LHFPL3: variants seen among roughly 807,000 people sequenced by gnomAD.
The protein encoded by LHFPL3 is LHFPL tetraspan subfamily member 3 protein.
Under a neutral mutation model 19.3 loss-of-function variants are expected in LHFPL3, and 5 were observed. The observed-to-expected ratio is 0.26, with a 90% CI of 0.14 to 0.54. The LOEUF is 0.54. Among genes scored for constraint, LHFPL3 ranks in the 20% least tolerant of loss-of-function variants. LHFPL3 has a pLI of 0.94. For missense variants in LHFPL3, 249 were observed against 307.4 expected, an observed-to-expected ratio of 0.81 and a Z score of 1.42; for synonymous variants, 133 against 126.2, an observed-to-expected ratio of 1.05 and a Z score of -0.36.
intron 1 of LHFPL3, among the ~76,000 whole-genome samples, chr7:104,731,177 G>C (rs376230663): frequency 1.1e-4 from 17 of 152,222 alleles, no homozygotes; most frequent in Middle Eastern, 3.4e-3. Context: ...GTCAGGTAGC[G>C]TGATGCCTCC....
chr7:104,430,456 T>TA (rs1562895386), intron 1 of LHFPL3, among the ~76,000 whole-genome samples: 4 of 11,190 alleles, frequency 3.6e-4, no homozygotes, highest in Non-Finnish European at 6.0e-4. Flanking sequence ...ATATATATAT[T>TA]TTTTTTTTTT....
chr7:104,567,089 A>G (rs1158876669), intron 1 of LHFPL3, among the ~76,000 whole-genome samples: 1 of 152,208 alleles, frequency 6.6e-6, no homozygotes, highest in African/African-American at 2.4e-5. Flanking sequence ...TACAAAATAG[A>G]GTCAGCTTTA....
At chr7:104,887,136 C>T (rs1792164855) in intron 2 of LHFPL3, among the ~76,000 whole-genome samples, 1 of 152,364 alleles carries the variant, frequency 6.6e-6, no homozygotes, top group East Asian at 1.9e-4. Flanking sequence ...CAAAGATGGG[C>T]ACTGACTTCC....
chr7:104,902,186 C>A (rs1792498904), intron 2 of LHFPL3, among the ~76,000 whole-genome samples: 1 of 151,898 alleles, frequency 6.6e-6, no homozygotes, highest in Non-Finnish European at 1.5e-5. Flanking sequence ...TTGAAACCAG[C>A]CTGGGAAACA....
intron 1 of LHFPL3, among the ~76,000 whole-genome samples, chr7:104,448,403 T>A (rs1792371479): frequency 6.6e-6 from 1 of 152,212 alleles, no homozygotes; most frequent in Non-Finnish European, 1.5e-5. Context: ...GACCCTATAA[T>A]TACCCAGTTT....
chr7:104,627,899 A>G (rs546091167), intron 1 of LHFPL3, among the ~76,000 whole-genome samples: 1 of 152,354 alleles, frequency 6.6e-6, no homozygotes, highest in South Asian at 2.1e-4. Context: ...TTGTAGGTAG[A>G]AAACTATTGA....
chr7:104,905,824 T>A (rs749067431), intron 2 of LHFPL3, among the ~76,000 whole-genome samples: 35 of 152,194 alleles, frequency 2.3e-4, no homozygotes, highest in Non-Finnish European at 4.3e-4. Flanking sequence ...TTCAAATAAA[T>A]AAAACTTGGA....
intron 1 of LHFPL3, among the ~76,000 whole-genome samples, chr7:104,655,253 T>A (rs1792101495): frequency 6.6e-6 from 1 of 152,198 alleles, no homozygotes; most frequent in South Asian, 2.1e-4. Context: ...GGGTTCTACA[T>A]ATTGTCTCCT....
In LHFPL3 at chr7:104,824,680, T is replaced by C. The variant is rs1384675147; in HGVS notation, c.683-81507T>C. ...TTATATATTTATATATTTGGCATTA[T>C]ATATAATATATATTATATATATTAT... On this transcript the variant is annotated intron_variant, in intron 2 of 2. Coordinates refer to ENST00000424859, the MANE Select transcript of LHFPL3 (RefSeq NM_199000.3). Among the ~76,000 whole-genome samples the C allele has an allele frequency of 5.0e-4, 48 of 96,614 alleles. No homozygotes were observed. In the South Asian group the frequency reaches 0.011, roughly 23 times the overall value. The allele number at this position is 96,614 out of a possible 152,430, so 63.4% of individuals were successfully genotyped here. A position where few individuals can be genotyped will look rare whatever the true frequency, so the allele number is the denominator to read the frequency against.
intron 1 of LHFPL3, among the ~76,000 whole-genome samples, chr7:104,730,904 T>C (rs1279757176): frequency 6.6e-6 from 1 of 152,220 alleles, no homozygotes; most frequent in Non-Finnish European, 1.5e-5. Flanking sequence ...CTTTAATCCA[T>C]CTTGAATTAA....
intron 1 of LHFPL3, among the ~76,000 whole-genome samples, chr7:104,418,481 A>G (rs918176416): frequency 1.3e-5 from 2 of 152,150 alleles, no homozygotes; most frequent in African/African-American, 4.8e-5. Flanking sequence ...GCAGCAAGCT[A>G]TGATTGCACC....
intron 1 of LHFPL3, among the ~76,000 whole-genome samples, chr7:104,526,662 T>C (rs1327349576): frequency 1.3e-5 from 2 of 152,236 alleles, no homozygotes; most frequent in African/African-American, 2.4e-5. Flanking sequence ...CCCAGACTTT[T>C]GTTGATGTTG....
intron 1 of LHFPL3, among the ~76,000 whole-genome samples, chr7:104,685,805 T>C (rs923914065): frequency 6.6e-6 from 1 of 152,204 alleles, no homozygotes. Flanking sequence ...AGTGAAGTTG[T>C]AGGTGTTCTC....
At chr7:104,667,519 T>G (rs1469819018) in intron 1 of LHFPL3, among the ~76,000 whole-genome samples, 4 of 152,160 alleles carry the variant, frequency 2.6e-5, no homozygotes, top group Non-Finnish European at 4.4e-5. Flanking sequence ...GCAGAATCAA[T>G]GTTGTCTGGG....
intron 1 of LHFPL3, among the ~76,000 whole-genome samples, chr7:104,502,615 G>A (rs1793620974): frequency 1.3e-5 from 2 of 152,078 alleles, no homozygotes; most frequent in African/African-American, 4.8e-5. Context: ...AGGATGCTGT[G>A]TTCTACCTGC....
chr7:104,811,105 CT>C (rs1261110290), intron 2 of LHFPL3, among the ~76,000 whole-genome samples: 1 of 148,858 alleles, frequency 6.7e-6, no homozygotes, highest in African/African-American at 2.6e-5. Context: ...AATGAGATCT[CT>C]TTCTTTCTCT....
intron 1 of LHFPL3, among the ~76,000 whole-genome samples, chr7:104,713,687 T>C (rs755890614): frequency 6.6e-6 from 1 of 152,168 alleles, no homozygotes; most frequent in South Asian, 2.1e-4. Context: ...TTACCAGTAA[T>C]TTACATGAGC....
intron 1 of LHFPL3, among the ~76,000 whole-genome samples, chr7:104,587,942 CTT>C (rs1453658837): frequency 1.3e-5 from 2 of 152,210 alleles, no homozygotes; most frequent in Non-Finnish European, 2.9e-5. Context: ...CTGTTCATAT[CTT>C]TTGCCCACTT....
At chr7:104,792,433 C>T (rs747475787) in intron 2 of LHFPL3, among the ~76,000 whole-genome samples, 1 of 152,200 alleles carries the variant, frequency 6.6e-6, no homozygotes, top group South Asian at 2.1e-4. Flanking sequence ...TAATTATCTC[C>T]GTCATGGCTA....
Sources: gnomAD v4.1 joint callset for allele counts (sites outside exome capture counted in the v4.1 genomes callset) on GRCh38, gnomAD v4.1.1 for gene constraint, MANE v1.5 for transcripts, NCBI Gene and HGNC (gene_info 2026-07-23, HGNC 2026-07-21) for gene names.